Variants in IFT43 observed in about 807,000 individuals in gnomAD.
The protein encoded by IFT43 is intraflagellar transport 43.
IFT43 carries 33 observed loss-of-function variants against 32.3 expected under a neutral mutation model. That is an observed-to-expected ratio of 1.02 (90% CI 0.77 to 1.37). IFT43 has a LOEUF of 1.37. IFT43 is among the 40% of genes most tolerant of loss of function. IFT43 has a pLI of 0.00. For synonymous variants in IFT43, 93 were observed against 98.2 expected (o/e 0.95, Z 0.31); for missense variants, 274 against 265.9 (o/e 1.03, Z -0.21).
chr14:76,056,020 A>C (rs186422523), intron 3 of IFT43, among the ~76,000 whole-genome samples: 24 of 152,364 alleles, frequency 1.6e-4, no homozygotes, highest in African/African-American at 5.5e-4. Context: ...AAAAGTTAAG[A>C]GTCCAGAAAT....
chr14:76,016,830 T>C (rs1056027175), intron 2 of IFT43, among the ~76,000 whole-genome samples: 1 of 152,204 alleles, frequency 6.6e-6, no homozygotes, highest in Non-Finnish European at 1.5e-5. Context: ...ATTGCTTTCC[T>C]GATTTATTTT....
intron 3 of IFT43, among the ~76,000 whole-genome samples, chr14:76,026,148 T>G (rs2036389378): frequency 6.6e-6 from 1 of 152,136 alleles, no homozygotes; most frequent in South Asian, 2.1e-4. Context: ...AAACACTTTG[T>G]AAAAGAAAGA....
chr14:75,996,423 C>T (rs750441927), intron 2 of IFT43, among the ~76,000 whole-genome samples: 2 of 152,152 alleles, frequency 1.3e-5, no homozygotes, highest in African/African-American at 4.8e-5. Context: ...GAGCAGTGCC[C>T]AACACCTGCT....
chr14:76,041,327 T>C (rs1367667912), intron 3 of IFT43, among the ~76,000 whole-genome samples: 1 of 152,214 alleles, frequency 6.6e-6, no homozygotes, highest in Non-Finnish European at 1.5e-5. Context: ...GAGTGGCCCA[T>C]GGAAGTGTCC....
chr14:75,991,764 T>C (rs532749342), intron 2 of IFT43, among the ~76,000 whole-genome samples: 8 of 152,310 alleles, frequency 5.3e-5, no homozygotes, highest in African/African-American at 1.9e-4. Context: ...GAGAACATGA[T>C]GAAAAGTCAT....
At chr14:76,076,622 C>T (rs1384303040) in intron 5 of IFT43, 2 of 1,614,142 alleles carry the variant, frequency 1.2e-6, no homozygotes, top group Non-Finnish European at 1.7e-6. Context: ...CAAACAACAG[C>T]TGGATCTGAA....
At chr14:75,986,709 G>C in intron 1 of IFT43, among the ~76,000 whole-genome samples, 1 of 152,190 alleles carries the variant, frequency 6.6e-6, no homozygotes, top group East Asian at 1.9e-4. Context: ...TTCCTCCTTT[G>C]TAACCCCCAT....
Position 76,014,813 on chromosome 14 carries a change from A to G in IFT43, c.148-7514A>G, listed in dbSNP as rs2036152174. 2.0e-5 allele frequency among the ~76,000 whole-genome samples: 3 copies of G among 152,258 alleles called. No individual in the cohort carries two copies. The South Asian group carries it at 6.3e-4, about 32-fold the overall frequency. ...CAAGAAAACTGCAAATTTTGGTGGA[A>G]GTGCCCCATGGCTGAGGGATTCTTC... On this transcript the variant is annotated intron_variant, in intron 2 of 8. Transcript: ENST00000314067.
At chr14:76,081,173 C>T (rs1331941613) in intron 5 of IFT43, among the ~76,000 whole-genome samples, 2 of 152,204 alleles carry the variant, frequency 1.3e-5, no homozygotes, top group African/African-American at 4.8e-5. Context: ...GATCAAAAGT[C>T]GAAATCACGA....
intron 3 of IFT43, among the ~76,000 whole-genome samples, chr14:76,029,871 A>ATTTTATTTTATTTATTTTATT (rs1555365094): frequency 7.0e-5 from 10 of 142,744 alleles, no homozygotes; most frequent in African/African-American, 2.6e-4. Flanking sequence ...ATTTTATTTT[A>ATTTTATTTTATTTATTTTATT]TTTTATTTTA....
intron 3 of IFT43, among the ~76,000 whole-genome samples, chr14:76,044,436 T>C (rs2036766547): frequency 6.6e-6 from 1 of 152,214 alleles, no homozygotes; most frequent in Non-Finnish European, 1.5e-5. Flanking sequence ...GGAGTTGAAG[T>C]GTGCCACCCT....
At chr14:76,027,333 A>ACC (rs56836132) in intron 3 of IFT43, among the ~76,000 whole-genome samples, 67,091 of 123,834 alleles carry the variant, frequency 0.54, 17,104 homozygotes, top group Non-Finnish European at 0.63. Context: ...CTTCCCCAAC[A>ACC]CCCCCCACAC....
At chr14:76,073,937 G>A (rs962237276) in intron 5 of IFT43, among the ~76,000 whole-genome samples, 7 of 152,182 alleles carry the variant, frequency 4.6e-5, no homozygotes, top group East Asian at 1.9e-4. Context: ...ATTCGATTCC[G>A]AGTGGCTGTG....
chr14:76,078,929 C>G (rs549465114), intron 5 of IFT43, among the ~76,000 whole-genome samples: 101 of 152,238 alleles, frequency 6.6e-4, no homozygotes, highest in Non-Finnish European at 9.6e-4. Flanking sequence ...CCATTCTGCC[C>G]CATTTAGCCT....
In IFT43 at chr14:76,048,975, C is replaced by T. The variant is rs573382858; in HGVS notation, c.216-9667C>T. On this transcript the variant is annotated intron_variant, in intron 3 of 8. Transcript: ENST00000314067. Reference sequence around the variant, plus strand: ...TATTTATGGGGTTTCGGGGAAATCACAGAATGTAAAAGAACAGAAGCAGAG... The same window carrying T: ...TATTTATGGGGTTTCGGGGAAATCATAGAATGTAAAAGAACAGAAGCAGAG... Among the ~76,000 whole-genome samples, 41 of 152,236 alleles carry T rather than the reference C, an allele frequency of 2.7e-4. 1 individual carries two copies. In the South Asian group the frequency reaches 5.0e-3, roughly 18 times the overall value.
intron 3 of IFT43, among the ~76,000 whole-genome samples, chr14:76,035,687 T>A (rs549004852): frequency 1.2e-4 from 19 of 152,364 alleles, no homozygotes; most frequent in African/African-American, 4.1e-4. Flanking sequence ...GGCTCTGTTA[T>A]AGGCTGTCCA....
chr14:76,026,714 C>G (rs182527039), intron 3 of IFT43, among the ~76,000 whole-genome samples: 3 of 152,174 alleles, frequency 2.0e-5, no homozygotes. Context: ...ACCATTTCAC[C>G]CAGCAATCCC....
downstream of IFT43, chr14:76,083,876 GAGA>G (rs1250226928): frequency 1.3e-5 from 7 of 538,444 alleles, no homozygotes; most frequent in Admixed American, 2.2e-5. Context: ...GATTCAGGCG[GAGA>G]AGGAGTGGGC....
At chr14:76,047,558 GC>G (rs932992354) in intron 3 of IFT43, among the ~76,000 whole-genome samples, 1 of 152,188 alleles carries the variant, frequency 6.6e-6, no homozygotes, top group African/African-American at 2.4e-5. Flanking sequence ...TCTGACAACA[GC>G]TAAGAAAAAG....
Sources: allele counts gnomAD v4.1 joint callset (sites outside exome capture counted in the v4.1 genomes callset), GRCh38; gene constraint gnomAD v4.1.1; transcripts MANE v1.5; gene names NCBI Gene and HGNC (gene_info 2026-07-23, HGNC 2026-07-21).